XYLT1: variants seen among roughly 807,000 people sequenced by gnomAD.
XYLT1 encodes the protein beta-D-xylosyltransferase 1.
A neutral mutation model predicts 91.3 loss-of-function variants in XYLT1; 36 were observed. The ratio of observed to expected loss-of-function variants is 0.39; its 90% confidence interval spans 0.30 to 0.52. XYLT1 has a LOEUF of 0.52. Ranked by LOEUF, XYLT1 falls within the 20% of genes least tolerant of loss-of-function variation. The pLI, the probability that XYLT1 is intolerant of heterozygous loss-of-function variation, is 0.68. For missense variants in XYLT1, 1,242 were observed against 1,284.5 expected (o/e 0.97, Z 0.51); for synonymous variants, 588 against 532.0 (o/e 1.11, Z -1.45).
chr16:17,110,680 A>G (rs1029517800), intron 11 of XYLT1, among the ~76,000 whole-genome samples: 3 of 152,196 alleles, frequency 2.0e-5, no homozygotes, highest in Non-Finnish European at 4.4e-5. Context: ...TCACACACCT[A>G]AAAAACTAGG....
intron 3 of XYLT1, among the ~76,000 whole-genome samples, chr16:17,238,861 C>T (rs1001330065): frequency 1.3e-5 from 2 of 152,160 alleles, no homozygotes; most frequent in Non-Finnish European, 2.9e-5. Context: ...CCAAATAAGT[C>T]GAGGAGTTTA....
chr16:17,392,240 T>G (rs959632614), intron 1 of XYLT1, among the ~76,000 whole-genome samples: 1 of 152,196 alleles, frequency 6.6e-6, no homozygotes, highest in African/African-American at 2.4e-5. Context: ...TCCTCTGTGC[T>G]CCAGCACCGA....
rs527302330 is a variant in XYLT1 at position 17,450,207 on chromosome 16, A to T, written c.363+20227T>A. ...ACAAAAATTAGCCAGGCATGGTGGC[A>T]GGCGCCTGTAATCCCAGCTACTCAG... On this transcript the variant is annotated intron_variant, in intron 1 of 11. Coordinates refer to ENST00000261381, the MANE Select transcript of XYLT1 (RefSeq NM_022166.4). Among the ~76,000 whole-genome samples, 283 of 152,228 alleles carry T rather than the reference A, an allele frequency of 1.9e-3. 2 individuals are homozygous for T. The highest frequency in any genetic ancestry group is 4.6e-3 in the Admixed American group (71 of 15,302).
chr16:17,176,248 G>T (rs572414560), intron 5 of XYLT1, among the ~76,000 whole-genome samples: 1 of 152,318 alleles, frequency 6.6e-6, no homozygotes, highest in East Asian at 1.9e-4. Flanking sequence ...CAAAACAGAT[G>T]TCATCTCTCC....
rs866089301 is a variant in XYLT1, at chr16:17,351,753, G to T, written c.402+6259C>A. 4.0e-5 allele frequency among the ~76,000 whole-genome samples: 6 copies of T among 149,808 alleles called. 1 individual carries two copies. Among genetic ancestry groups the T allele is most frequent in the Admixed American group, 6.6e-5 (1 of 15,150 alleles). ...TGACATTTGAGGCTTTTTTTTTGGGGGGGGGTGCTTTCCTGTGCATTATGG... is the reference window on the plus strand; with the variant it reads ...TGACATTTGAGGCTTTTTTTTTGGGTGGGGGTGCTTTCCTGTGCATTATGG... On this transcript the variant is annotated intron_variant, in intron 2 of 11. Transcript: ENST00000261381.
intron 1 of XYLT1, among the ~76,000 whole-genome samples, chr16:17,440,800 G>A (rs1165089787): frequency 1.3e-5 from 2 of 152,188 alleles, no homozygotes; most frequent in African/African-American, 4.8e-5. Context: ...CCAGGCTGGA[G>A]AAGTCCAGTA....
Position 17,470,220 on chromosome 16 carries a change from C to A in XYLT1, c.363+214G>T, listed in dbSNP as rs73529549. ...GCTGGAGAAAACTTCCCCCAGACCC[C>A]AAGGGGTCCGTGCTCAGACTCTGAA... On this transcript the variant is annotated intron_variant, in intron 1 of 11. Transcript: ENST00000261381. Among the ~76,000 whole-genome samples the A allele has an allele frequency of 0.13, 19,752 of 152,096 alleles. 1,737 individuals carry two copies. Among genetic ancestry groups the A allele is most frequent in the East Asian group, 0.41 (2,079 of 5,112 alleles).
intron 1 of XYLT1, among the ~76,000 whole-genome samples, chr16:17,433,718 A>T (rs375629160): frequency 6.6e-5 from 10 of 152,360 alleles, no homozygotes; most frequent in African/African-American, 2.4e-4. Context: ...TTTGGGCTCC[A>T]GCGAGGGACT....
At chr16:17,278,867 T>C (rs1414344281) in intron 2 of XYLT1, among the ~76,000 whole-genome samples, 1 of 152,202 alleles carries the variant, frequency 6.6e-6, no homozygotes, top group Non-Finnish European at 1.5e-5. Context: ...TACAGCCTCA[T>C]CTATGCACAG....
chr16:17,398,411 G>A (rs1057207604), intron 1 of XYLT1, among the ~76,000 whole-genome samples: 8 of 152,180 alleles, frequency 5.3e-5, no homozygotes, highest in Non-Finnish European at 7.3e-5. Context: ...CTGAAACTTC[G>A]GTGGCCTACA....
intron 3 of XYLT1, chr16:17,251,001 CA>C (rs1365959898): frequency 1.3e-5 from 2 of 152,252 alleles, no homozygotes; most frequent in African/African-American, 4.8e-5. Flanking sequence ...CCACTTGTGA[CA>C]TCCCCAGTTC....
At chr16:17,136,189 T>TTTTAC (rs1321796924) in intron 8 of XYLT1, among the ~76,000 whole-genome samples, 1 of 152,182 alleles carries the variant, frequency 6.6e-6, no homozygotes, top group Non-Finnish European at 1.5e-5. Context: ...ATGATTCCCA[T>TTTTAC]TTTACAGATG....
intron 5 of XYLT1, among the ~76,000 whole-genome samples, chr16:17,180,017 C>T (rs541831380): frequency 6.6e-6 from 1 of 152,342 alleles, no homozygotes; most frequent in South Asian, 2.1e-4. Context: ...AGCATCTGCT[C>T]AAGTCCCTTC....
At chr16:17,220,422 T>A (rs2032945088) in intron 3 of XYLT1, among the ~76,000 whole-genome samples, 1 of 152,202 alleles carries the variant, frequency 6.6e-6, no homozygotes, top group Non-Finnish European at 1.5e-5. Context: ...GTAGCCGGGA[T>A]TGGAGGCAGT....
chr16:17,217,353 T>C (rs901977804), intron 3 of XYLT1, among the ~76,000 whole-genome samples: 4 of 152,144 alleles, frequency 2.6e-5, no homozygotes, highest in African/African-American at 9.6e-5. Context: ...AATTCAAGCA[T>C]ACAGAACAAT....
chr16:17,254,458 A>C (rs1178704418), intron 3 of XYLT1, among the ~76,000 whole-genome samples: 1 of 152,176 alleles, frequency 6.6e-6, no homozygotes, highest in Non-Finnish European at 1.5e-5. Flanking sequence ...GCAATGGCAC[A>C]ATCTCAGCTC....
intron 5 of XYLT1, among the ~76,000 whole-genome samples, chr16:17,178,429 G>A (rs2031991481): frequency 6.6e-6 from 1 of 152,124 alleles, no homozygotes; most frequent in African/African-American, 2.4e-5. Flanking sequence ...CACTTGAGGT[G>A]ATTCAGATTC....
intron 2 of XYLT1, chr16:17,354,873 C>A (rs1417065726): frequency 6.6e-6 from 1 of 152,340 alleles, no homozygotes; most frequent in Admixed American, 6.5e-5. Context: ...CTGAGGCCAG[C>A]ACAAAGTCAG....
Position 17,454,903 on chromosome 16 carries a change from TCC to T in XYLT1, c.363+15529_363+15530del, listed in dbSNP as rs201490419. Among the ~76,000 whole-genome samples the T allele has an allele frequency of 2.2e-4, 8 of 36,986 alleles. 1 individual carries two copies. In the South Asian group the frequency reaches 5.0e-3, roughly 23 times the overall value. The allele number at this position is 36,986 out of a possible 152,430, so 24.3% of individuals were successfully genotyped here. Reference sequence around the variant, plus strand: ...CGCGTCACAAAATATCATTCTTTCCTCCCCCCCCCGCCCCCCCCCGCAACTAT... The same window carrying T: ...CGCGTCACAAAATATCATTCTTTCCTCCCCCCCGCCCCCCCCCGCAACTAT... On this transcript the variant is annotated intron_variant, in intron 1 of 11. Transcript: ENST00000261381.
Sources: gnomAD v4.1 joint callset for allele counts (sites outside exome capture counted in the v4.1 genomes callset) on GRCh38, gnomAD v4.1.1 for gene constraint, MANE v1.5 for transcripts, NCBI Gene and HGNC (gene_info 2026-07-23, HGNC 2026-07-21) for gene names.